Variants in RIMS2 observed in about 807,000 individuals in gnomAD.
The protein encoded by RIMS2 is regulating synaptic membrane exocytosis protein 2.
In RIMS2, 59 loss-of-function variants were observed where a neutral mutation model predicts 174.4. The observed-to-expected ratio is 0.34, with a 90% CI of 0.27 to 0.42. RIMS2 has a LOEUF of 0.42. Ranked by LOEUF, RIMS2 falls within the 10% of genes least tolerant of loss-of-function variation. The pLI, the probability that RIMS2 is intolerant of heterozygous loss-of-function variation, is 1.00. For missense variants in RIMS2, 1,620 were observed against 1,666.3 expected (o/e 0.97, Z 0.48); for synonymous variants, 606 against 572.5 (o/e 1.06, Z -0.84).
chr8:103,999,221 T>A (rs72683133), intron 17 of RIMS2, among the ~76,000 whole-genome samples: 19,771 of 151,690 alleles, frequency 0.13, 1,723 homozygotes, highest in Non-Finnish European at 0.19. Context: ...GTTTATAAAA[T>A]TGATTAAAAA....
intron 10 of RIMS2, among the ~76,000 whole-genome samples, chr8:103,923,591 G>A (rs937734349): frequency 6.6e-5 from 10 of 151,730 alleles, no homozygotes; most frequent in African/African-American, 2.4e-4. Flanking sequence ...TAAAGTTATA[G>A]TCTTTAGATT....
chr8:104,013,640 A>G lies in RIMS2; in HGVS notation c.3224+19A>G, dbSNP rs1480475961. On this transcript the variant is annotated intron_variant, in intron 18 of 23. Transcript: ENST00000504942. Reference sequence around the variant, plus strand: ...TATCGAGGTGAAAGATAAATCAATCAGACTAATTTCCCCTTTGCCCCACCA... The same window carrying G: ...TATCGAGGTGAAAGATAAATCAATCGGACTAATTTCCCCTTTGCCCCACCA... The G allele has an allele frequency of 6.2e-7, 1 of 1,607,974 alleles. No homozygotes were observed. Among genetic ancestry groups the G allele is most frequent in the Admixed American group, 1.7e-5 (1 of 59,886 alleles).
intron 19 of RIMS2, among the ~76,000 whole-genome samples, chr8:104,061,229 G>A (rs10095902): frequency 0.25 from 37,333 of 151,962 alleles, 4,834 homozygotes; most frequent in South Asian, 0.35. Context: ...GGTCACTCAG[G>A]ACTTGCTTTA....
intron 1 of RIMS2, among the ~76,000 whole-genome samples, chr8:103,594,643 T>C (rs1162204347): frequency 6.6e-6 from 1 of 151,806 alleles, no homozygotes; most frequent in Non-Finnish European, 1.5e-5. Flanking sequence ...TGTATTTGTG[T>C]TCTCTGATAA....
chr8:103,574,268 A>G (rs547304132), intron 1 of RIMS2, among the ~76,000 whole-genome samples: 1 of 152,308 alleles, frequency 6.6e-6, no homozygotes, highest in South Asian at 2.1e-4. Flanking sequence ...AAATAAAAAG[A>G]TATTTGGACA....
At chr8:103,586,956 A>G (rs1379401377) in intron 1 of RIMS2, among the ~76,000 whole-genome samples, 1 of 152,094 alleles carries the variant, frequency 6.6e-6, no homozygotes, top group African/African-American at 2.4e-5. Flanking sequence ...ACTATGAGCT[A>G]CTGTATGCTA....
intron 1 of RIMS2, among the ~76,000 whole-genome samples, chr8:103,660,985 A>T (rs2096593561): frequency 6.6e-6 from 1 of 152,266 alleles, no homozygotes; most frequent in East Asian, 1.9e-4. Context: ...ACAGCCATGC[A>T]GGATTTCCTC....
chr8:104,135,867 A>G (rs373614532), intron 19 of RIMS2, among the ~76,000 whole-genome samples: 1 of 152,148 alleles, frequency 6.6e-6, no homozygotes, highest in Non-Finnish European at 1.5e-5. Context: ...AATGTTGAAG[A>G]ATAGAGATAA....
intron 1 of RIMS2, among the ~76,000 whole-genome samples, chr8:103,579,630 T>C (rs2093480518): frequency 6.6e-6 from 1 of 152,326 alleles, no homozygotes; most frequent in East Asian, 1.9e-4. Context: ...TTTTCACTTA[T>C]TTAAAATAAC....
rs145174070 is a variant in RIMS2, at chr8:103,896,867, C to T, written c.1624+10644C>T. Among the ~76,000 whole-genome samples, 20 of 151,580 alleles carry T rather than the reference C, an allele frequency of 1.3e-4. No individual in the cohort carries two copies. The East Asian group carries it at 3.1e-3, about 24-fold the overall frequency. On this transcript the variant is annotated intron_variant, in intron 4 of 23. Coordinates refer to ENST00000504942, the Ensembl canonical transcript of RIMS2. ...GGCTCACAGAGATATAATTCTGAGA[C>T]GCCACTTATTCTGTCCTAGCTTTGG...
At chr8:104,243,028 A>G (rs1194303343) in intron 19 of RIMS2, among the ~76,000 whole-genome samples, 1 of 152,168 alleles carries the variant, frequency 6.6e-6, no homozygotes, top group Non-Finnish European at 1.5e-5. Context: ...GGAGGTTGCA[A>G]ATTGGTAAAT....
At chr8:104,123,639 T>C (rs1048962323) in intron 19 of RIMS2, among the ~76,000 whole-genome samples, 7 of 132,472 alleles carry the variant, frequency 5.3e-5, no homozygotes, top group South Asian at 2.8e-4. Context: ...ATGTAAAACA[T>C]TGGTAGATTA....
chr8:103,959,226 G>A (rs550490626), intron 14 of RIMS2, among the ~76,000 whole-genome samples: 2,001 of 149,484 alleles, frequency 0.013, 57 homozygotes, highest in African/African-American at 0.047. Flanking sequence ...AAGTGAAAGA[G>A]AAATTGCAAA....
intron 1 of RIMS2, among the ~76,000 whole-genome samples, chr8:103,507,647 C>T (rs1824315650): frequency 6.6e-6 from 1 of 152,014 alleles, no homozygotes; most frequent in African/African-American, 2.4e-5. Flanking sequence ...AGGAAACTTA[C>T]AGTGTTTGTG....
chr8:103,524,679 T>A (rs1224421022), intron 1 of RIMS2, among the ~76,000 whole-genome samples: 1 of 152,246 alleles, frequency 6.6e-6, no homozygotes, highest in Non-Finnish European at 1.5e-5. Flanking sequence ...GCTATGAGCC[T>A]GCACTTCTAT....
intron 3 of RIMS2, among the ~76,000 whole-genome samples, chr8:103,876,874 A>ATT: frequency 4.1e-5 from 1 of 24,604 alleles, no homozygotes; most frequent in Non-Finnish European, 8.3e-5. Context: ...TTATATATAT[A>ATT]TATATATATA....
chr8:103,803,054 TG>T (rs2098624966), intron 3 of RIMS2, among the ~76,000 whole-genome samples: 1 of 152,102 alleles, frequency 6.6e-6, no homozygotes, highest in African/African-American at 2.4e-5. Flanking sequence ...CCTTCCTGCT[TG>T]TTACTATAGA....
chr8:103,702,434 T>C (rs1408410711), intron 2 of RIMS2, among the ~76,000 whole-genome samples: 1 of 152,174 alleles, frequency 6.6e-6, no homozygotes, highest in Non-Finnish European at 1.5e-5. Flanking sequence ...ATCTTTTAGC[T>C]TGATGTAATT....
At chr8:103,975,938 C>T (rs79974827) in intron 16 of RIMS2, 1,647 of 153,652 alleles carry the variant, frequency 0.011, 38 homozygotes, top group African/African-American at 0.037. Context: ...CTTCTTCACC[C>T]GCTTTGTTCC....
Sources: allele counts gnomAD v4.1 joint callset (sites outside exome capture counted in the v4.1 genomes callset), GRCh38; gene constraint gnomAD v4.1.1; transcripts MANE v1.5; gene names NCBI Gene and HGNC (gene_info 2026-07-23, HGNC 2026-07-21).